Variants in BLTP1 observed in about 807,000 individuals in gnomAD.
The protein encoded by BLTP1 is fragile site-associated protein.
the BLTP1 span, chr4:122,301,327 A>G: frequency 1.9e-6 from 3 of 1,604,620 alleles, no homozygotes; most frequent in Non-Finnish European, 2.6e-6. Context: ...CCTCTCTGGA[A>G]CGAACATGAT....
the BLTP1 span, among the ~76,000 whole-genome samples, chr4:122,155,734 TATAGAAGATACA>T: frequency 6.6e-6 from 1 of 152,162 alleles, no homozygotes; most frequent in Admixed American, 6.5e-5. Flanking sequence ...GAGGAACTTG[TATAGAAGATACA>T]TGGTCAGATA....
the BLTP1 span, among the ~76,000 whole-genome samples, chr4:122,271,928 G>A: frequency 2.6e-5 from 4 of 152,042 alleles, no homozygotes; most frequent in African/African-American, 9.7e-5. Context: ...CTCTTACGTG[G>A]TATGTTCTTA....
the BLTP1 span, among the ~76,000 whole-genome samples, chr4:122,178,947 A>AAGT: frequency 2.2e-4 from 34 of 152,328 alleles, no homozygotes; most frequent in South Asian, 3.7e-3. Context: ...CACCTTAGAA[A>AAGT]AGTATTGAAC....
the BLTP1 span, among the ~76,000 whole-genome samples, chr4:122,335,751 A>T: frequency 6.6e-6 from 1 of 152,138 alleles, no homozygotes; most frequent in African/African-American, 2.4e-5. Context: ...TGAAGCAGAT[A>T]TATTTAGTTA....
the BLTP1 span, chr4:122,222,984 AT>A: frequency 1.0e-6 from 1 of 960,938 alleles, no homozygotes; most frequent in African/African-American, 1.8e-5. Context: ...AGATTAAAAA[AT>A]TTCATAAAAA....
the BLTP1 span, among the ~76,000 whole-genome samples, chr4:122,248,398 C>G: frequency 2.6e-5 from 4 of 151,986 alleles, no homozygotes. Flanking sequence ...CCAAGGTGGA[C>G]ATTTCTGTAA....
At chr4:122,331,641 G>A in the BLTP1 span, 1 of 1,456,258 alleles carries the variant, frequency 6.9e-7, no homozygotes, top group Non-Finnish European at 9.0e-7. Flanking sequence ...CCAAAATGCA[G>A]ATTTGAAGTG....
At chr4:122,342,595 C>G in the BLTP1 span, among the ~76,000 whole-genome samples, 1 of 152,128 alleles carries the variant, frequency 6.6e-6, no homozygotes, top group South Asian at 2.1e-4. Context: ...ACCTCGTGAT[C>G]TGCCCACTTC....
the BLTP1 span, chr4:122,167,959 A>T: frequency 1.1e-6 from 1 of 891,528 alleles, no homozygotes; most frequent in Admixed American, 6.2e-5. Context: ...CTATTAAGGA[A>T]TTGGTGATAT....
chr4:122,336,031 A>G, the BLTP1 span: 9 of 561,880 alleles, frequency 1.6e-5, no homozygotes, highest in Admixed American at 1.7e-4. Context: ...TCTGTATTCT[A>G]ACATTAACAT....
the BLTP1 span, among the ~76,000 whole-genome samples, chr4:122,308,369 T>C: frequency 2.0e-5 from 3 of 152,108 alleles, no homozygotes; most frequent in Admixed American, 6.6e-5. Flanking sequence ...AGCACTCTTA[T>C]ATGCTTCAGA....
the BLTP1 span, chr4:122,223,836 G>C: frequency 4.4e-6 from 1 of 229,068 alleles, no homozygotes; most frequent in Non-Finnish European, 7.2e-6. Context: ...ATTGGTGACT[G>C]ATCAGTAGGG....
chr4:122,244,913 ATTG>A, the BLTP1 span: 9 of 1,318,774 alleles, frequency 6.8e-6, no homozygotes, highest in East Asian at 2.4e-5. Context: ...ATGTTGAGCA[ATTG>A]TTGTACATAT....
chr4:122,274,467 T>G, the BLTP1 span: 1 of 1,575,584 alleles, frequency 6.3e-7, no homozygotes. Flanking sequence ...TTTCTTACAC[T>G]TATAGTTTTA....
chr4:122,209,223 T>C, the BLTP1 span: 1 of 1,613,642 alleles, frequency 6.2e-7, no homozygotes, highest in Non-Finnish European at 8.5e-7. Flanking sequence ...TCTTTATTTA[T>C]GCTGGTAAAA....
chr4:122,296,801 AAAAC>A, the BLTP1 span, among the ~76,000 whole-genome samples: 1 of 152,240 alleles, frequency 6.6e-6, no homozygotes, highest in Non-Finnish European at 1.5e-5. Flanking sequence ...AACTTGACAA[AAAAC>A]AAACAATGGG....
chr4:122,165,472 T>C, the BLTP1 span, among the ~76,000 whole-genome samples: 1 of 144,728 alleles, frequency 6.9e-6, no homozygotes, highest in African/African-American at 2.5e-5. Context: ...CAGTCTAACA[T>C]TGTTGGACAT....
chr4:122,320,078 A>C, the BLTP1 span, among the ~76,000 whole-genome samples: 3 of 152,240 alleles, frequency 2.0e-5, no homozygotes, highest in Non-Finnish European at 2.9e-5. Context: ...ATTGAGTCTC[A>C]AACTGTAATA....
chr4:122,199,732 G>T, the BLTP1 span, among the ~76,000 whole-genome samples: 1 of 152,168 alleles, frequency 6.6e-6, no homozygotes, highest in African/African-American at 2.4e-5. Flanking sequence ...AGTACATTGT[G>T]TGGCTGGATT....
Sources: allele counts gnomAD v4.1 joint callset (sites outside exome capture counted in the v4.1 genomes callset), GRCh38; gene constraint gnomAD v4.1.1; transcripts MANE v1.5; gene names NCBI Gene and HGNC (gene_info 2026-07-23, HGNC 2026-07-21).